The following RUFY4 variants were observed in gnomAD, a reference collection of about 807,000 sequenced individuals.
RUFY4 encodes RUN and FYVE domain-containing protein 4.
Under a neutral mutation model 69.0 loss-of-function variants are expected in RUFY4, and 73 were observed. The observed-to-expected ratio is 1.06, with a 90% CI of 0.88 to 1.29. The LOEUF (loss-of-function observed/expected upper bound fraction) is 1.29. Ranked by LOEUF, RUFY4 falls within the 50% of genes most tolerant of loss-of-function variation. The pLI, the probability that RUFY4 is intolerant of heterozygous loss-of-function variation, is 0.00. For missense variants in RUFY4, 770 were observed against 705.6 expected, an observed-to-expected ratio of 1.09 and a Z score of -1.03; for synonymous variants, 287 against 271.8, an observed-to-expected ratio of 1.06 and a Z score of -0.55.
intron 2 of RUFY4, among the ~76,000 whole-genome samples, chr2:218,043,668 T>C (rs77890956): frequency 0.012 from 1,803 of 152,268 alleles, 37 homozygotes; most frequent in African/African-American, 0.04. Flanking sequence ...GATTGGTCCA[T>C]CAGCAGCCAC....
At chr2:218,081,172 C>T (rs1689752634) in intron 8 of RUFY4, among the ~76,000 whole-genome samples, 1 of 152,176 alleles carries the variant, frequency 6.6e-6, no homozygotes, top group Non-Finnish European at 1.5e-5. Flanking sequence ...TTAACATCTA[C>T]TTTTCCTGGG....
In RUFY4 at chr2:218,060,830, A is replaced by G. The variant is rs60743553; in HGVS notation, c.-1071+2149A>G. ...TTGCTGTATTGTTGCCCATGTCCTC[A>G]TAGCAGACTGGGCTAACATTGGATG... is the stretch of plus-strand genomic sequence containing the variant. On this transcript the variant is annotated intron_variant and NMD_transcript_variant, in intron 3 of 13. Coordinates refer to the RUFY4 transcript ENST00000457754. 5.7e-6 allele frequency: 9 copies of G among 1,575,236 alleles called. No individual in the cohort carries two copies. The African/African-American group carries it at 8.2e-5, about 14-fold the overall frequency.
At chr2:218,082,830 G>A (rs528067570) in intron 8 of RUFY4, among the ~76,000 whole-genome samples, 20 of 141,404 alleles carry the variant, frequency 1.4e-4, no homozygotes, top group Admixed American at 8.6e-4. Flanking sequence ...GTGTGTGTAC[G>A]TATTGCATTA....
intron 8 of RUFY4, 113 bp downstream of exon 10, chr2:218,076,646 G>A: frequency 6.8e-7 from 1 of 1,473,952 alleles, no homozygotes; most frequent in Non-Finnish European, 9.0e-7. Context: ...CCAGGCCCTG[G>A]ACTGGGCACA....
At chr2:218,037,273 T>G (rs1193918136) in intron 2 of RUFY4, among the ~76,000 whole-genome samples, 1 of 150,250 alleles carries the variant, frequency 6.7e-6, no homozygotes, top group Non-Finnish European at 1.5e-5. Flanking sequence ...TGAGTGGAGA[T>G]AGCACCACTG....
intron 8 of RUFY4, among the ~76,000 whole-genome samples, chr2:218,076,909 C>T (rs1689647796): frequency 6.6e-6 from 1 of 152,190 alleles, no homozygotes; most frequent in Non-Finnish European, 1.5e-5. Context: ...TTTCTGTCTC[C>T]CTTTTTTACT....
intron 5 of RUFY4, among the ~76,000 whole-genome samples, 177 bp from the exon 8 acceptor site, chr2:218,073,639 G>T (rs1348302596): frequency 1.3e-5 from 2 of 152,104 alleles, no homozygotes; most frequent in East Asian, 1.9e-4. Context: ...TGGATAGCTG[G>T]ATGCTAGGAG....
At chr2:218,087,334 A>G (rs1175380994) in intron 9 of RUFY4, among the ~76,000 whole-genome samples, 1 of 152,156 alleles carries the variant, frequency 6.6e-6, no homozygotes, top group African/African-American at 2.4e-5. Context: ...TATTTTAATT[A>G]AATTAAATGT....
chr2:218,055,394 CAA>C (rs74531758), intron 2 of RUFY4, among the ~76,000 whole-genome samples: 9,564 of 114,686 alleles, frequency 0.083, 964 homozygotes, highest in African/African-American at 0.26. Context: ...GACCCTGTCT[CAA>C]AAAAAAAAAA....
At chr2:218,089,849 C>T in intron 10 of RUFY4, 103 bp from the exon 13 acceptor site, 1 of 810,920 alleles carries the variant, frequency 1.2e-6, no homozygotes, top group Non-Finnish European at 2.1e-6. Context: ...AAACAGATGT[C>T]TCAGGTGGAC....
At chr2:218,048,605 T>A (rs1486115053) in intron 2 of RUFY4, among the ~76,000 whole-genome samples, 1 of 152,216 alleles carries the variant, frequency 6.6e-6, no homozygotes, top group Non-Finnish European at 1.5e-5. Context: ...TTGTAAAGAT[T>A]TATTTGATTC....
intron 1 of RUFY4, 34 bp from the exon 4 acceptor site, chr2:218,070,719 C>T (rs1233220263): frequency 2.0e-6 from 3 of 1,535,478 alleles, no homozygotes; most frequent in Non-Finnish European, 2.6e-6. Context: ...GAGCCCCTCC[C>T]TCAGCGACCT....
At chr2:218,060,003 T>C (rs1251225456) in intron 3 of RUFY4, 2 of 187,410 alleles carry the variant, frequency 1.1e-5, no homozygotes, top group Non-Finnish European at 2.5e-5. Flanking sequence ...TATGATTTTC[T>C]TTCTTCTGAC....
intron 2 of RUFY4, among the ~76,000 whole-genome samples, chr2:218,046,503 T>C (rs1688832784): frequency 6.6e-6 from 1 of 152,172 alleles, no homozygotes; most frequent in African/African-American, 2.4e-5. Flanking sequence ...CGTTCTCCAG[T>C]TCCATCCATG....
chr2:218,063,576 T>C (rs748646031), intron 3 of RUFY4, among the ~76,000 whole-genome samples: 2 of 152,148 alleles, frequency 1.3e-5, no homozygotes, highest in Non-Finnish European at 2.9e-5. Context: ...CTAATGTTCA[T>C]AGTGGCATGC....
At chr2:218,037,594 A>G (rs1414324161) in intron 2 of RUFY4, among the ~76,000 whole-genome samples, 2 of 152,236 alleles carry the variant, frequency 1.3e-5, no homozygotes, top group Non-Finnish European at 2.9e-5. Context: ...AGGAAATCTC[A>G]AATTGGATTT....
At chr2:218,078,593 T>A (rs1385715184) in intron 8 of RUFY4, among the ~76,000 whole-genome samples, 1 of 152,008 alleles carries the variant, frequency 6.6e-6, no homozygotes, top group Non-Finnish European at 1.5e-5. Flanking sequence ...GAGCTCAGAG[T>A]AGGAGAGAGA....
chr2:218,081,220 C>T (rs1396237333), intron 8 of RUFY4, among the ~76,000 whole-genome samples: 1 of 152,194 alleles, frequency 6.6e-6, no homozygotes, highest in African/African-American at 2.4e-5. Context: ...CACCTCCCCA[C>T]TCTTCTCCTA....
rs1486874060 is a variant in RUFY4, at chr2:218,074,878, A to G, written c.601-215A>G. ...CTGCGGGAAGGGACAGAAGGACATC[A>G]GGATGTCCCTCACCAGACCAAAGCA... On this transcript the variant is annotated intron_variant, in intron 6 of 10. Coordinates refer to ENST00000344321, the Ensembl canonical transcript of RUFY4. Among the ~76,000 whole-genome samples the G allele has an allele frequency of 2.0e-5, 3 of 152,208 alleles. No homozygotes were observed. In the East Asian group the frequency reaches 5.8e-4, roughly 29 times the overall value.
Sources: allele counts gnomAD v4.1 joint callset (sites outside exome capture counted in the v4.1 genomes callset), GRCh38; gene constraint gnomAD v4.1.1; transcripts MANE v1.5; gene names NCBI Gene and HGNC (gene_info 2026-07-23, HGNC 2026-07-21).